ADCY1: variants seen among roughly 807,000 people sequenced by gnomAD.
ADCY1 encodes adenylate cyclase 1, also known as adenylate cyclase type 1.
A neutral mutation model predicts 105.4 loss-of-function variants in ADCY1; 28 were observed. That is an observed-to-expected ratio of 0.27 (90% confidence interval 0.20 to 0.36). The LOEUF (loss-of-function observed/expected upper bound fraction) is 0.36. ADCY1 is among the 10% of genes least tolerant of loss of function. The probability of loss-of-function intolerance (pLI) is 1.00; values close to 1 mark genes in which losing one functional copy is unlikely to be tolerated. For missense variants in ADCY1, 977 were observed against 1,434.2 expected, an observed-to-expected ratio of 0.68 and a Z score of 5.15; for synonymous variants, 655 against 623.8, an observed-to-expected ratio of 1.05 and a Z score of -0.75.
In ADCY1 at chr7:45,708,566, G is replaced by A. The variant is rs1418131201; in HGVS notation, c.2932+102G>A. On this transcript the variant is annotated intron_variant, in intron 18 of 19. Transcript: ENST00000297323. The surrounding 1 kb of genome is among the most constrained non-coding windows in gnomAD (Gnocchi z 4.7). ...TGAGGTACCCTGGTCTTACAGGAAG[G>A]AGGGTGGTGCCACCCAGGAGGGCAT... The A allele has an allele frequency of 6.7e-6, 6 of 897,064 alleles. No individual in the cohort carries two copies. Among genetic ancestry groups the A allele is most frequent in the Non-Finnish European group, 1.1e-5 (6 of 561,582 alleles). The allele number at this position is 897,064 out of a possible 1,614,324, so 55.6% of individuals were successfully genotyped here.
At chr7:45,669,097 A>AT (rs544351141) in intron 8 of ADCY1, among the ~76,000 whole-genome samples, 109 of 152,164 alleles carry the variant, frequency 7.2e-4, no homozygotes, top group African/African-American at 2.4e-3. Context: ...GGATTCATTG[A>AT]TTTTTTGAAG....
chr7:45,656,021 C>T (rs991078106), intron 5 of ADCY1, among the ~76,000 whole-genome samples: 4 of 151,880 alleles, frequency 2.6e-5, no homozygotes, highest in Admixed American at 6.6e-5. Flanking sequence ...GGCATGGTGG[C>T]TCACACCTGT....
chr7:45,687,589 G>A (rs1784710282), intron 14 of ADCY1, among the ~76,000 whole-genome samples: 1 of 152,254 alleles, frequency 6.6e-6, no homozygotes, highest in Non-Finnish European at 1.5e-5. Context: ...AACCGGGAAT[G>A]AAGGCTGATG....
At position 45,686,401 on chromosome 7, in the gene ADCY1, GT is replaced by G. The variant is rs1784675002; in HGVS notation, c.2328-145del. On this transcript the variant is annotated intron_variant, in intron 13 of 19. Coordinates refer to ENST00000297323, the MANE Select transcript of ADCY1 (RefSeq NM_021116.4). The surrounding 1 kb of genome is among the most constrained non-coding windows in gnomAD (Gnocchi z 4.3). ...AAGGACTCAGATTTCCCTATGATAA[GT>G]GATTCTTGGCCAAGGTCAATCCCAG... 1 of 1,413,090 alleles carries G rather than the reference GT, an allele frequency of 7.1e-7. No homozygotes were observed. Among genetic ancestry groups the G allele is most frequent in the Admixed American group, 2.5e-5 (1 of 40,200 alleles). 87.5% of individuals were successfully genotyped at this position (1,413,090 alleles called of 1,614,324 possible).
intron 19 of ADCY1, among the ~76,000 whole-genome samples, chr7:45,711,299 G>T (rs1336165532): frequency 6.6e-6 from 1 of 152,024 alleles, no homozygotes; most frequent in East Asian, 1.9e-4. Flanking sequence ...GCTGGGAACT[G>T]CAGGCCTCCA....
intron 1 of ADCY1, among the ~76,000 whole-genome samples, chr7:45,577,128 A>G (rs1168839334): frequency 6.6e-6 from 1 of 152,152 alleles, no homozygotes; most frequent in Non-Finnish European, 1.5e-5. Context: ...CTTAGGGAGC[A>G]GACATCTGGG....
In ADCY1 at chr7:45,713,785, G is replaced by A. The variant is rs778873870; in HGVS notation, c.3150G>A (p.Leu1050=). 2.0e-5 allele frequency: 16 copies of A among 780,934 alleles called. 1 individual carries two copies. The South Asian group carries it at 2.1e-4, about 10-fold the overall frequency. 48.4% of individuals were successfully genotyped at this position (780,934 alleles called of 1,614,324 possible). A position where few individuals can be genotyped will look rare whatever the true frequency, so the allele number is the denominator to read the frequency against. The change falls in exon 20 of 20, where the codon TTG becomes TTA. Residue 1050 remains leucine (L), a synonymous_variant. Coordinates refer to ENST00000297323, the MANE Select transcript of ADCY1 (RefSeq NM_021116.4). ...GTGTCAAGGGCAAAGGCGAGATGTT[G>A]ACATACTTTCTAGAAGGCAGGACTG... ...KVSVKGKGEM[L]TYFLEGRTDG... is the part of the protein sequence containing the mutation.
chr7:45,575,326 C>G lies in ADCY1; in HGVS notation c.639+144C>G, dbSNP rs570597916. The G allele has an allele frequency of 2.7e-6, 3 of 1,099,812 alleles. No homozygotes were observed. In the South Asian group the frequency reaches 5.0e-5, roughly 18 times the overall value. 68.1% of individuals were successfully genotyped at this position (1,099,812 alleles called of 1,614,324 possible). A position where few individuals can be genotyped will look rare whatever the true frequency, so the allele number is the denominator to read the frequency against. On this transcript the variant is annotated intron_variant, in intron 1 of 19. Coordinates refer to ENST00000297323, the MANE Select transcript of ADCY1 (RefSeq NM_021116.4). The surrounding 1 kb of genome is among the most constrained non-coding windows in gnomAD (Gnocchi z 4.7). ...AGTGGGGGTGTGTTCAAGGTCACTC[C>G]TACGAGTTGGGGACGCAGTCGGGGC...
chr7:45,625,582 G>T (rs536543813), intron 4 of ADCY1, among the ~76,000 whole-genome samples: 30 of 152,326 alleles, frequency 2.0e-4, no homozygotes, highest in Admixed American at 1.0e-3. Flanking sequence ...TGTGTTATGT[G>T]TGTAGATGTG....
At chr7:45,695,715 C>T (rs982313364) in intron 14 of ADCY1, among the ~76,000 whole-genome samples, 1 of 152,198 alleles carries the variant, frequency 6.6e-6, no homozygotes, top group Non-Finnish European at 1.5e-5. Context: ...GCTTTCTGCC[C>T]ACAGTGTGGA....
At position 45,686,242 on chromosome 7, in the gene ADCY1, GGCCTAAGCAGCGGT is replaced by G; in HGVS notation, c.2327+30_2327+43del. On this transcript the variant is annotated intron_variant, in intron 13 of 19. Coordinates refer to ENST00000297323, the MANE Select transcript of ADCY1 (RefSeq NM_021116.4). The surrounding 1 kb of genome is among the most constrained non-coding windows in gnomAD (Gnocchi z 4.3). The stretch of plus-strand genomic sequence containing the variant: ...TAAGTGTGTGGCTCCTCAAGAAAAA[GGCCTAAGCAGCGGT>G]GCTACTGAATCTGTGTATACAGATA... 1 of 1,604,818 alleles carries G rather than the reference GGCCTAAGCAGCGGT, an allele frequency of 6.2e-7. No individual in the cohort carries two copies. Among genetic ancestry groups the G allele is most frequent in the African/African-American group, 1.3e-5 (1 of 74,924 alleles).
At position 45,575,221 on chromosome 7, in the gene ADCY1, CACTT is replaced by C; in HGVS notation, c.639+40_639+43del. 5.9e-6 allele frequency: 9 copies of C among 1,535,446 alleles called. No individual in the cohort carries two copies. The highest frequency in any genetic ancestry group is 7.9e-6 in the Non-Finnish European group (9 of 1,145,992). ...CGCACCCCTCATCTGGTCTCGGACA[CACTT>C]GCTGGGACGATGCTGGGAATGCCCG... is the stretch of plus-strand genomic sequence containing the variant. On this transcript the variant is annotated intron_variant, in intron 1 of 19. Transcript: ENST00000297323. This position sits in a 1 kb window ranked among gnomAD's most constrained non-coding sequence, Gnocchi z 4.7.
intron 4 of ADCY1, among the ~76,000 whole-genome samples, chr7:45,634,690 C>G (rs1444040423): frequency 6.6e-6 from 1 of 152,142 alleles, no homozygotes; most frequent in East Asian, 1.9e-4. Flanking sequence ...CAAAGTGCCT[C>G]CCTCTCGTGA....
chr7:45,668,662 A>T (rs1037291927), intron 8 of ADCY1, among the ~76,000 whole-genome samples: 13 of 151,806 alleles, frequency 8.6e-5, no homozygotes, highest in Non-Finnish European at 1.3e-4. Context: ...GTTAGGGAGG[A>T]TTCTCTCTTT....
rs574408174 is a variant in ADCY1 at position 45,670,467 on chromosome 7, C to G, written c.1606-7402C>G. On this transcript the variant is annotated intron_variant, in intron 8 of 19. Coordinates refer to ENST00000297323, the MANE Select transcript of ADCY1 (RefSeq NM_021116.4). ...GTGGACCAATGTCTATTACTCCTGA[C>G]TTGAGGGAGGATCCATGTCCATTAG... Among the ~76,000 whole-genome samples the G allele has an allele frequency of 1.2e-4, 18 of 152,268 alleles. No individual in the cohort carries two copies. The South Asian group carries it at 2.7e-3, about 23-fold the overall frequency.
At chr7:45,595,050 C>A (rs1380792559) in intron 2 of ADCY1, among the ~76,000 whole-genome samples, 1 of 152,146 alleles carries the variant, frequency 6.6e-6, no homozygotes, top group Admixed American at 6.5e-5. Context: ...ATTTAGATAC[C>A]ACGTTCTAAA....
chr7:45,639,679 A>C (rs1794488009), intron 4 of ADCY1, among the ~76,000 whole-genome samples: 1 of 152,198 alleles, frequency 6.6e-6, no homozygotes, highest in Non-Finnish European at 1.5e-5. Context: ...CATTGTTGTA[A>C]GTTCTCAGTC....
At chr7:45,639,821 T>A (rs899924635) in intron 4 of ADCY1, among the ~76,000 whole-genome samples, 13 of 152,092 alleles carry the variant, frequency 8.5e-5, no homozygotes, top group Non-Finnish European at 1.6e-4. Flanking sequence ...CCATGAGACA[T>A]TCCCATTCCT....
intron 5 of ADCY1, among the ~76,000 whole-genome samples, chr7:45,656,004 T>G (rs567785226): frequency 6.6e-6 from 1 of 152,104 alleles, no homozygotes; most frequent in South Asian, 2.1e-4. Context: ...AAAAGTATAT[T>G]CAGCTGGGCA....
Sources: allele counts gnomAD v4.1 joint callset (sites outside exome capture counted in the v4.1 genomes callset), GRCh38; gene constraint gnomAD v4.1.1; non-coding constraint Gnocchi (gnomAD v3.1); transcripts MANE v1.5; gene names NCBI Gene and HGNC (gene_info 2026-07-23, HGNC 2026-07-21).